The following FMN1 variants were observed in gnomAD, a reference collection of about 807,000 sequenced individuals.
FMN1 encodes the protein formin-1.
Under a neutral mutation model 132.4 loss-of-function variants are expected in FMN1, and 110 were observed. That is an observed-to-expected ratio of 0.83 (90% CI 0.71 to 0.97). The LOEUF is 0.97. Among genes scored for constraint, FMN1 ranks in the 50% least tolerant of loss-of-function variants. The probability of loss-of-function intolerance (pLI) is 0.00; values close to 1 mark genes in which losing one functional copy is unlikely to be tolerated. For synonymous variants in FMN1, 722 were observed against 651.7 expected, an observed-to-expected ratio of 1.11 and a Z score of -1.64; for missense variants, 1,792 against 1,705.3, an observed-to-expected ratio of 1.05 and a Z score of -0.90.
intron 6 of FMN1, among the ~76,000 whole-genome samples, chr15:33,013,570 T>C (rs1165926931): frequency 6.6e-6 from 1 of 152,352 alleles, no homozygotes; most frequent in East Asian, 1.9e-4. Flanking sequence ...TTTACGAAAT[T>C]ATCTTTATGC....
At chr15:32,946,046 C>G (rs2061503796) in intron 9 of FMN1, among the ~76,000 whole-genome samples, 1 of 152,126 alleles carries the variant, frequency 6.6e-6, no homozygotes, top group Non-Finnish European at 1.5e-5. Flanking sequence ...TGAGTTCCTT[C>G]CATGAATATA....
rs562893866 is a variant in FMN1 at position 32,984,328 on chromosome 15, T to C, written c.2224-14851A>G. ...TTTCTTAGTTTTAAAGAACACCACC[T>C]ATCAAACAGATAGTCTGTCCCACAG... On this transcript the variant is annotated intron_variant, in intron 7 of 20. Coordinates refer to ENST00000616417, the MANE Select transcript of FMN1 (RefSeq NM_001277313.2). 2.0e-5 allele frequency among the ~76,000 whole-genome samples: 3 copies of C among 152,308 alleles called. No homozygotes were observed. The East Asian group carries it at 5.8e-4, about 29-fold the overall frequency.
chr15:33,062,968 A>G (rs566752592), intron 6 of FMN1: 5 of 152,294 alleles, frequency 3.3e-5, no homozygotes, highest in Admixed American at 2.6e-4. Flanking sequence ...ACAGGATGAT[A>G]ATAACAGAAG....
chr15:33,085,903 T>C (rs1387348642), intron 5 of FMN1, among the ~76,000 whole-genome samples: 2 of 152,150 alleles, frequency 1.3e-5, no homozygotes, highest in Non-Finnish European at 2.9e-5. Context: ...TTAAAACACA[T>C]CTGTAACGAG....
At chr15:32,830,176 A>C (rs2058467184) in intron 17 of FMN1, among the ~76,000 whole-genome samples, 1 of 152,150 alleles carries the variant, frequency 6.6e-6, no homozygotes, top group African/African-American at 2.4e-5. Flanking sequence ...AAAAAAAAGT[A>C]AATGAAGTTA....
intron 6 of FMN1, among the ~76,000 whole-genome samples, chr15:33,010,715 A>G (rs1043250286): frequency 1.3e-5 from 2 of 152,146 alleles, no homozygotes; most frequent in African/African-American, 2.4e-5. Context: ...TAGAATATGC[A>G]TGTTTAGCAG....
chr15:32,874,604 T>A (rs1039700545), intron 16 of FMN1, among the ~76,000 whole-genome samples: 1 of 152,172 alleles, frequency 6.6e-6, no homozygotes, highest in African/African-American at 2.4e-5. Flanking sequence ...ACAAGTATTA[T>A]CTCTGTTCTC....
intron 17 of FMN1, among the ~76,000 whole-genome samples, chr15:32,851,256 T>C (rs867048492): frequency 1.3e-5 from 2 of 152,168 alleles, no homozygotes; most frequent in Admixed American, 6.5e-5. Flanking sequence ...GTGCTGGGAT[T>C]AGAGCTAGTT....
intron 4 of FMN1, among the ~76,000 whole-genome samples, chr15:33,112,032 A>G (rs2039726497): frequency 6.6e-6 from 1 of 152,130 alleles, no homozygotes; most frequent in Admixed American, 6.6e-5. Flanking sequence ...AATTTTTTGG[A>G]AAGAACTGTA....
chr15:33,128,857 C>T (rs148333552), intron 4 of FMN1, among the ~76,000 whole-genome samples: 12 of 152,364 alleles, frequency 7.9e-5, no homozygotes, highest in African/African-American at 2.9e-4. Context: ...CCGGAGCAGA[C>T]TGCAGAGGCC....
intron 4 of FMN1, among the ~76,000 whole-genome samples, chr15:33,141,036 TTTC>T (rs1963989377): frequency 6.6e-6 from 1 of 152,210 alleles, no homozygotes; most frequent in African/African-American, 2.4e-5. Context: ...ATTGATATGA[TTTC>T]TTTACAAATG....
chr15:32,838,183 G>A (rs1431665176), intron 17 of FMN1, among the ~76,000 whole-genome samples: 1 of 152,088 alleles, frequency 6.6e-6, no homozygotes, highest in Admixed American at 6.6e-5. Context: ...AAACATAAGG[G>A]GGTGGAGGAG....
intron 6 of FMN1, chr15:33,012,952 A>C (rs986410577): frequency 8.3e-6 from 4 of 479,360 alleles, no homozygotes; most frequent in African/African-American, 3.9e-5. Flanking sequence ...GAAGGGAAAA[A>C]ACTTTGGAGG....
chr15:32,939,580 A>G (rs969939337), intron 9 of FMN1, among the ~76,000 whole-genome samples: 1 of 152,210 alleles, frequency 6.6e-6, no homozygotes, highest in Non-Finnish European at 1.5e-5. Flanking sequence ...AAATTTCCCT[A>G]GCTTTTCTTT....
chr15:33,128,635 C>G (rs568063847), intron 4 of FMN1, among the ~76,000 whole-genome samples: 1 of 152,208 alleles, frequency 6.6e-6, no homozygotes, highest in South Asian at 2.1e-4. Context: ...TGTTACAGCT[C>G]TTAAAGACGG....
chr15:32,826,117 C>G (rs1301106774), intron 17 of FMN1, among the ~76,000 whole-genome samples: 1 of 152,238 alleles, frequency 6.6e-6, no homozygotes, highest in Non-Finnish European at 1.5e-5. Flanking sequence ...AGCTGACCCT[C>G]CCTCTGGATG....
At chr15:32,863,456 AAAAT>A (rs2059322934) in intron 16 of FMN1, among the ~76,000 whole-genome samples, 1 of 152,178 alleles carries the variant, frequency 6.6e-6, no homozygotes, top group Non-Finnish European at 1.5e-5. Context: ...TAAATAAAAT[AAAAT>A]AAATAAACAC....
intron 7 of FMN1, among the ~76,000 whole-genome samples, chr15:32,973,195 G>T (rs945677246): frequency 1.3e-5 from 2 of 152,146 alleles, no homozygotes; most frequent in African/African-American, 4.8e-5. Flanking sequence ...AGACTAACAT[G>T]AACTTTTTAG....
chr15:32,841,449 T>C (rs1029178205), intron 17 of FMN1, among the ~76,000 whole-genome samples: 1 of 152,186 alleles, frequency 6.6e-6, no homozygotes, highest in Admixed American at 6.5e-5. Flanking sequence ...GAACATAACA[T>C]TGGTAGATAA....
Sources: gnomAD v4.1 joint callset for allele counts (sites outside exome capture counted in the v4.1 genomes callset) on GRCh38, gnomAD v4.1.1 for gene constraint, MANE v1.5 for transcripts, NCBI Gene and HGNC (gene_info 2026-07-23, HGNC 2026-07-21) for gene names.